COL22A1: variants seen among roughly 807,000 people sequenced by gnomAD.
The protein encoded by COL22A1 is collagen type XXII alpha 1 chain.
In COL22A1, 221 loss-of-function variants were observed where a neutral mutation model predicts 248.9. That is an observed-to-expected ratio of 0.89 (90% CI 0.80 to 0.99). The LOEUF is 0.99. Among genes scored for constraint, COL22A1 ranks in the 50% least tolerant of loss-of-function variants. The probability of loss-of-function intolerance (pLI) is 0.00; values close to 1 mark genes in which losing one functional copy is unlikely to be tolerated. For synonymous variants in COL22A1, 891 were observed against 793.4 expected, an observed-to-expected ratio of 1.12 and a Z score of -2.07; for missense variants, 2,240 against 2,179.0, an observed-to-expected ratio of 1.03 and a Z score of -0.56.
intron 41 of COL22A1, among the ~76,000 whole-genome samples, chr8:138,664,246 C>G (rs1564164638): frequency 1.3e-5 from 2 of 149,852 alleles, no homozygotes; most frequent in Admixed American, 6.6e-5. Context: ...CACACACACA[C>G]ACACACACAC....
intron 47 of COL22A1, among the ~76,000 whole-genome samples, chr8:138,638,593 C>T (rs1821398433): frequency 6.6e-6 from 1 of 152,028 alleles, no homozygotes; most frequent in African/African-American, 2.4e-5. Flanking sequence ...GTTAGGTGAG[C>T]TCATATCTGT....
In COL22A1 at chr8:138,826,696, A is replaced by G. The variant is rs983455939; in HGVS notation, c.931T>C (p.Tyr311His). The G allele has an allele frequency of 3.7e-6, 6 of 1,613,742 alleles. No homozygotes were observed. Among genetic ancestry groups the G allele is most frequent in the Non-Finnish European group, 3.4e-6 (4 of 1,179,882 alleles). Residue 311 changes from tyrosine (Y) to histidine (H), a missense_variant, in exon 6 of 65, where the codon TAT becomes CAT. Tyr to His is a moderately conservative substitution (Grantham distance 83). Transcript: ENST00000303045. ...FRKTSRKEDW[Y>H]IWQVIDQYSI... ...TACTGGTCGATGACCTGCCAGATAT[A>G]CCAGTCTTCCTTCCGAGAGGTTTTC...
rs140472611 is a variant in COL22A1 at position 138,665,890 on chromosome 8, T to G, written c.3151-2150A>C. On this transcript the variant is annotated intron_variant, in intron 41 of 64. Coordinates refer to ENST00000303045, the MANE Select transcript of COL22A1 (RefSeq NM_152888.3). ...AAGAGCCAGAGTACATTTTTAGAAA[T>G]AGAAATGTAGAGTCATTAAAATAAA... 9.2e-5 allele frequency among the ~76,000 whole-genome samples: 14 copies of G among 152,170 alleles called. No homozygotes were observed. The East Asian group carries it at 1.9e-3, about 21-fold the overall frequency.
chr8:138,709,201 T>C (rs1187374861), intron 30 of COL22A1, among the ~76,000 whole-genome samples: 1 of 152,200 alleles, frequency 6.6e-6, no homozygotes, highest in East Asian at 1.9e-4. Context: ...GACTGTAAAC[T>C]AGTTCAACCA....
chr8:138,823,613 C>A (rs1819342941), intron 6 of COL22A1, among the ~76,000 whole-genome samples: 1 of 152,158 alleles, frequency 6.6e-6, no homozygotes, highest in African/African-American at 2.4e-5. Flanking sequence ...ACCATGTTGG[C>A]CAGGCTGGTC....
chr8:138,819,667 T>G (rs1222942939), intron 7 of COL22A1, among the ~76,000 whole-genome samples: 1 of 148,286 alleles, frequency 6.7e-6, no homozygotes, highest in Non-Finnish European at 1.5e-5. Flanking sequence ...AAACATTATC[T>G]ATATAATTTA....
At chr8:138,601,200 ACATGTCCCT>A (rs999741804) in intron 60 of COL22A1, among the ~76,000 whole-genome samples, 14 of 152,152 alleles carry the variant, frequency 9.2e-5, no homozygotes, top group African/African-American at 3.4e-4. Flanking sequence ...CTTCTCAGCC[ACATGTCCCT>A]CATGTCCCTG....
At chr8:138,865,842 C>T (rs1257029741) in intron 3 of COL22A1, among the ~76,000 whole-genome samples, 5 of 126,246 alleles carry the variant, frequency 4.0e-5, no homozygotes, top group Non-Finnish European at 6.7e-5. Context: ...TATATGTATG[C>T]CTGTGAGTGT....
rs190149014 is a variant in COL22A1 at position 138,654,812 on chromosome 8, C to T, written c.3333+1085G>A. Reference sequence around the variant, plus strand: ...CAGCCATGCTGTGCCCTATCTTGGCCGAGTTATGTTCAACCTCTCAGGACC... The same window carrying T: ...CAGCCATGCTGTGCCCTATCTTGGCTGAGTTATGTTCAACCTCTCAGGACC... On this transcript the variant is annotated intron_variant, in intron 45 of 64. Transcript: ENST00000303045. 3.4e-3 allele frequency among the ~76,000 whole-genome samples: 518 copies of T among 152,242 alleles called. 4 individuals are homozygous for T. Among genetic ancestry groups the T allele is most frequent in the Non-Finnish European group, 5.9e-3 (398 of 68,028 alleles).
chr8:138,765,254 G>A (rs1032676929), intron 16 of COL22A1, among the ~76,000 whole-genome samples: 6 of 152,244 alleles, frequency 3.9e-5, no homozygotes, highest in East Asian at 3.9e-4. Flanking sequence ...GGGGAGGGTC[G>A]GAGCAGAGTC....
At chr8:138,910,307 CCACA>C (rs990395078) in intron 1 of COL22A1, among the ~76,000 whole-genome samples, 15 of 152,154 alleles carry the variant, frequency 9.9e-5, no homozygotes, top group South Asian at 4.1e-4. Flanking sequence ...ACATACACAC[CCACA>C]CAGACACATA....
At chr8:138,854,110 G>A (rs1385156832) in intron 3 of COL22A1, among the ~76,000 whole-genome samples, 1 of 152,184 alleles carries the variant, frequency 6.6e-6, no homozygotes, top group Non-Finnish European at 1.5e-5. Context: ...GTGCAAGGGT[G>A]TCTGGCCACA....
At chr8:138,822,007 G>A (rs557724335) in intron 6 of COL22A1, among the ~76,000 whole-genome samples, 2 of 151,766 alleles carry the variant, frequency 1.3e-5, no homozygotes, top group African/African-American at 4.8e-5. Context: ...AAATTCTGGA[G>A]AAGATTTTAC....
chr8:138,842,499 G>T (rs1279098527), intron 4 of COL22A1, among the ~76,000 whole-genome samples: 1 of 152,146 alleles, frequency 6.6e-6, no homozygotes, highest in Non-Finnish European at 1.5e-5. Context: ...TCAGGGAAAA[G>T]TTGCGCAGAC....
intron 6 of COL22A1, among the ~76,000 whole-genome samples, chr8:138,822,446 G>T (rs1423038657): frequency 1.3e-5 from 2 of 152,200 alleles, no homozygotes; most frequent in Non-Finnish European, 2.9e-5. Flanking sequence ...TGTGTGCCCA[G>T]CAGGCAACAT....
At chr8:138,739,838 C>T (rs138585536) in intron 22 of COL22A1, among the ~76,000 whole-genome samples, 5 of 152,272 alleles carry the variant, frequency 3.3e-5, no homozygotes, top group African/African-American at 7.2e-5. Flanking sequence ...GGTTTAGAAG[C>T]CCCTGGATCC....
At chr8:138,660,338 CT>C (rs1227897772) in intron 44 of COL22A1, 97 bp downstream of exon 44, 2 of 1,051,432 alleles carry the variant, frequency 1.9e-6, no homozygotes, top group East Asian at 2.4e-5. Context: ...TCAAATGTTC[CT>C]TTGTTAAAAC....
At chr8:138,699,408 C>T (rs899494192) in intron 32 of COL22A1, among the ~76,000 whole-genome samples, 15 of 152,206 alleles carry the variant, frequency 9.9e-5, no homozygotes, top group African/African-American at 3.1e-4. Flanking sequence ...TCAGCTGTCC[C>T]GCAGGTCAAG....
intron 29 of COL22A1, 52 bp downstream of exon 29, chr8:138,716,175 T>G: frequency 7.0e-7 from 1 of 1,418,588 alleles, no homozygotes; most frequent in Non-Finnish European, 9.7e-7. Flanking sequence ...GGCTGCTCTC[T>G]GTGGAGATGG....
Sources: allele counts gnomAD v4.1 joint callset (sites outside exome capture counted in the v4.1 genomes callset), GRCh38; gene constraint gnomAD v4.1.1; transcripts MANE v1.5; gene names NCBI Gene and HGNC (gene_info 2026-07-23, HGNC 2026-07-21).